Variants in TMTC2 observed in about 807,000 individuals in gnomAD.
TMTC2 encodes the protein protein O-mannosyl-transferase TMTC2.
A neutral mutation model predicts 82.4 loss-of-function variants in TMTC2; 43 were observed. The ratio of observed to expected loss-of-function variants is 0.52; its 90% CI spans 0.41 to 0.67. The LOEUF (loss-of-function observed/expected upper bound fraction) is 0.67. TMTC2 is among the 30% of genes least tolerant of loss of function. The pLI, the probability that TMTC2 is intolerant of heterozygous loss-of-function variation, is 0.00. For synonymous variants in TMTC2, 408 were observed against 381.9 expected, an observed-to-expected ratio of 1.07 and a Z score of -0.80; for missense variants, 919 against 1,012.4, an observed-to-expected ratio of 0.91 and a Z score of 1.25.
intron 4 of TMTC2, among the ~76,000 whole-genome samples, chr12:82,950,001 G>A (rs1437543922): frequency 6.6e-6 from 1 of 152,172 alleles, no homozygotes; most frequent in Non-Finnish European, 1.5e-5. Flanking sequence ...GTATAAATAA[G>A]AAAAGAAGAG....
chr12:82,829,266 G>T (rs947484266), intron 1 of TMTC2, among the ~76,000 whole-genome samples: 20 of 152,162 alleles, frequency 1.3e-4, no homozygotes, highest in African/African-American at 4.6e-4. Flanking sequence ...CCTAGTGCTT[G>T]AGTTACTTTC....
At chr12:83,100,359 T>C (rs1465806281) in intron 11 of TMTC2, among the ~76,000 whole-genome samples, 1 of 152,048 alleles carries the variant, frequency 6.6e-6, no homozygotes, top group Non-Finnish European at 1.5e-5. Flanking sequence ...TTTTCACAGT[T>C]TGTTATTTGT....
rs145618751 is a variant in TMTC2 at position 82,986,831 on chromosome 12, T to A, written c.2070+785T>A. Among the ~76,000 whole-genome samples the A allele has an allele frequency of 4.3e-3, 655 of 152,322 alleles. 5 individuals carry two copies. The highest frequency in any genetic ancestry group is 0.015 in the African/African-American group (628 of 41,568). ...TATATTTCAAAGTAATAGTAATGTC[T>A]TTATTTTACACAATAGTGAATAGTT... is the stretch of plus-strand genomic sequence containing the variant. On this transcript the variant is annotated intron_variant, in intron 8 of 11. Coordinates refer to ENST00000321196, the MANE Select transcript of TMTC2 (RefSeq NM_152588.3).
intron 1 of TMTC2, among the ~76,000 whole-genome samples, chr12:82,855,366 G>A (rs536410085): frequency 3.3e-5 from 5 of 152,202 alleles, no homozygotes; most frequent in Admixed American, 1.3e-4. Flanking sequence ...CCTGCTTTTC[G>A]GTAATACTCA....
chr12:83,027,638 T>C (rs1039074853), intron 8 of TMTC2, among the ~76,000 whole-genome samples: 6 of 152,216 alleles, frequency 3.9e-5, no homozygotes, highest in Non-Finnish European at 7.3e-5. Flanking sequence ...CTCTTTATCA[T>C]TTGGCACTTG....
At chr12:82,899,848 AATATAGATATG>A (rs1293030592) in intron 3 of TMTC2, among the ~76,000 whole-genome samples, 37 of 145,178 alleles carry the variant, frequency 2.5e-4, no homozygotes, top group African/African-American at 8.7e-4. Flanking sequence ...ACATATCCGG[AATATAGATATG>A]TAGGAATATA....
chr12:82,913,541 A>G (rs1412827759), intron 3 of TMTC2, among the ~76,000 whole-genome samples: 1 of 152,220 alleles, frequency 6.6e-6, no homozygotes, highest in Non-Finnish European at 1.5e-5. Flanking sequence ...AAACTCATGA[A>G]TAGAATATAT....
intron 7 of TMTC2, among the ~76,000 whole-genome samples, chr12:82,967,210 C>T (rs1001563830): frequency 2.0e-5 from 3 of 152,030 alleles, no homozygotes; most frequent in Non-Finnish European, 4.4e-5. Flanking sequence ...ACACCTTGGT[C>T]ATATCCCAGA....
At chr12:82,701,218 A>C (rs186217745) in intron 1 of TMTC2, among the ~76,000 whole-genome samples, 1 of 152,328 alleles carries the variant, frequency 6.6e-6, no homozygotes, top group Non-Finnish European at 1.5e-5. Context: ...GACATATCTT[A>C]AAAAATGAAA....
intron 4 of TMTC2, among the ~76,000 whole-genome samples, chr12:82,943,599 T>G (rs563670819): frequency 6.6e-6 from 1 of 152,324 alleles, no homozygotes; most frequent in African/African-American, 2.4e-5. Context: ...AAGGTGAAAT[T>G]TATCTTCCTG....
rs147286806 is a variant in TMTC2 at position 83,059,672 on chromosome 12, G to A, written c.2268-2096G>A. Among the ~76,000 whole-genome samples the A allele has an allele frequency of 8.6e-5, 13 of 151,638 alleles. No individual in the cohort carries two copies. The South Asian group carries it at 1.7e-3, about 19-fold the overall frequency. ...TGAGAACTAAAGCACTGAATAATAC[G>A]AAGACTTTAAAAACTAATAACCATT... On this transcript the variant is annotated intron_variant, in intron 10 of 11. Transcript: ENST00000321196.
At position 82,766,783 on chromosome 12, in the gene TMTC2, C is replaced by CTATTTATT. The variant is rs10645376; in HGVS notation, c.83+79132_83+79139dup. 3.5e-3 allele frequency among the ~76,000 whole-genome samples: 535 copies of CTATTTATT among 151,388 alleles called. 4 individuals carry two copies. The highest frequency in any genetic ancestry group is 0.011 in the African/African-American group (469 of 41,218). ...AATTCTGGTATCATTGTTGATTCTT[C>CTATTTATT]TATTTATTTATTTATTTATTTATTT... On this transcript the variant is annotated intron_variant, in intron 1 of 11. Transcript: ENST00000321196.
intron 3 of TMTC2, among the ~76,000 whole-genome samples, chr12:82,921,532 A>AG (rs1424624709): frequency 3.3e-5 from 5 of 152,078 alleles, no homozygotes; most frequent in Non-Finnish European, 7.4e-5. Context: ...CGCTCTCTTT[A>AG]GGCTGTCACA....
chr12:82,927,575 G>A (rs1331237166), intron 3 of TMTC2, among the ~76,000 whole-genome samples: 1 of 152,218 alleles, frequency 6.6e-6, no homozygotes, highest in Non-Finnish European at 1.5e-5. Flanking sequence ...AATTCTGAAA[G>A]AGTTCTATTA....
intron 2 of TMTC2, among the ~76,000 whole-genome samples, chr12:82,878,236 G>A (rs1042734889): frequency 1.3e-5 from 2 of 152,196 alleles, no homozygotes; most frequent in Non-Finnish European, 2.9e-5. Flanking sequence ...CCCTTTCAGA[G>A]CTGGTATTCT....
chr12:82,801,505 G>A (rs1440399281), intron 1 of TMTC2, among the ~76,000 whole-genome samples: 5 of 152,130 alleles, frequency 3.3e-5, no homozygotes, highest in Non-Finnish European at 7.4e-5. Context: ...CCTGCTGATT[G>A]GTCCATTTTA....
At chr12:83,070,194 T>C (rs1373394133) in intron 11 of TMTC2, among the ~76,000 whole-genome samples, 1 of 152,198 alleles carries the variant, frequency 6.6e-6, no homozygotes, top group African/African-American at 2.4e-5. Context: ...CTATGAATTT[T>C]AGAATTGTTT....
chr12:82,739,082 A>T (rs561877623), intron 1 of TMTC2, among the ~76,000 whole-genome samples: 9 of 150,736 alleles, frequency 6.0e-5, no homozygotes, highest in African/African-American at 2.2e-4. Flanking sequence ...TGGGAGGTAG[A>T]GGTTGCAGTG....
chr12:82,928,420 T>C (rs1424505584), intron 3 of TMTC2, among the ~76,000 whole-genome samples: 1 of 152,210 alleles, frequency 6.6e-6, no homozygotes, highest in Non-Finnish European at 1.5e-5. Flanking sequence ...ATCACGCCTA[T>C]TATGTTTGAA....
Sources: allele counts gnomAD v4.1 joint callset (sites outside exome capture counted in the v4.1 genomes callset), GRCh38; gene constraint gnomAD v4.1.1; transcripts MANE v1.5; gene names NCBI Gene and HGNC (gene_info 2026-07-23, HGNC 2026-07-21).